Variants in NUP153 observed in about 807,000 individuals in gnomAD.
NUP153 encodes the protein nuclear pore complex protein Nup153.
NUP153 carries 27 observed loss-of-function variants against 134.6 expected under a neutral mutation model. That is an observed-to-expected ratio of 0.20 (90% CI 0.15 to 0.28). NUP153 has a LOEUF of 0.28. NUP153 is among the 10% of genes least tolerant of loss of function. The pLI is 1.00. For synonymous variants in NUP153, 640 were observed against 623.5 expected (o/e 1.03, Z -0.40); for missense variants, 1,821 against 1,731.3 (o/e 1.05, Z -0.92).
chr6:17,637,293 G>A lies in NUP153; in HGVS notation c.2324C>T (p.Ser775Phe). 6.2e-7 allele frequency: 1 copy of A among 1,614,206 alleles called. No homozygotes were observed. Among genetic ancestry groups the A allele is most frequent in the Non-Finnish European group, 8.5e-7 (1 of 1,180,032 alleles). ...ESAETMTASS[S>F]SCTVTTGTLG... ...GGTACCAGTGGTTACAGTGCAGCTGGAAGATGAAGCAGTCATAGTCTCAGC... is the reference window on the plus strand; with the variant it reads ...GGTACCAGTGGTTACAGTGCAGCTGAAAGATGAAGCAGTCATAGTCTCAGC... The change falls in exon 16 of 22, where the codon TCC becomes TTC. Residue 775 changes from serine to phenylalanine, a missense_variant. Ser to Phe is a radical substitution (Grantham distance 155). Coordinates refer to ENST00000262077, the MANE Select transcript of NUP153 (RefSeq NM_005124.4).
Position 17,668,987 on chromosome 6 carries a change from G to C in NUP153, c.1056C>G (p.Ala352=), listed in dbSNP as rs200635527. 3 of 1,549,008 alleles carry C rather than the reference G, an allele frequency of 1.9e-6. No individual in the cohort carries two copies. The East Asian group carries it at 7.0e-5, about 36-fold the overall frequency. ...RSGIDITDFQ[A]KREKVDSQYP... ...AAAGAAGTTTTACCTTTTCTCTTTT[G>C]GCCTGAAAATCTGTGATATCTATCC... The change falls in exon 8 of 22, where the codon GCC becomes GCG. Residue 352 remains alanine (A), a synonymous_variant. Transcript: ENST00000262077.
At chr6:17,678,278 C>A (rs565135239) in intron 2 of NUP153, among the ~76,000 whole-genome samples, 1 of 147,112 alleles carries the variant, frequency 6.8e-6, no homozygotes, top group African/African-American at 2.6e-5. Context: ...ATTGCTTGAA[C>A]CTGGGAGGCA....
chr6:17,691,812 T>TA (rs1433203406), intron 1 of NUP153, among the ~76,000 whole-genome samples: 1 of 149,902 alleles, frequency 6.7e-6, no homozygotes, highest in Admixed American at 6.8e-5. Flanking sequence ...GCTAAAGCAC[T>TA]ATAGCAAGAA....
chr6:17,616,962 GGATGGTCTC>G (rs1764365998), intron 20 of NUP153, among the ~76,000 whole-genome samples: 1 of 152,162 alleles, frequency 6.6e-6, no homozygotes, highest in South Asian at 2.1e-4. Context: ...ATGTTGGCCA[GGATGGTCTC>G]GATCTCCTGA....
intron 1 of NUP153, among the ~76,000 whole-genome samples, chr6:17,705,046 C>T (rs1770391754): frequency 6.6e-6 from 1 of 152,214 alleles, no homozygotes; most frequent in Non-Finnish European, 1.5e-5. Flanking sequence ...CGTGAGCCAA[C>T]GCGCCCGACC....
rs1252686243 is a variant in NUP153, at chr6:17,688,751, T to TTACTGC, written c.112-139_112-134dup. On this transcript the variant is annotated intron_variant, in intron 1 of 21. Coordinates refer to ENST00000262077, the MANE Select transcript of NUP153 (RefSeq NM_005124.4). The stretch of plus-strand genomic sequence containing the variant: ...GTTTGCCAAAATTCAGTTACTACAG[T>TTACTGC]TACTGCTAACATAATGGTTTTTACA... 1.0e-4 allele frequency: 66 copies of TTACTGC among 637,484 alleles called. 1 individual carries two copies. The highest frequency in any genetic ancestry group is 1.6e-4 in the Non-Finnish European group (60 of 366,556). 39.5% of individuals were successfully genotyped at this position (637,484 alleles called of 1,614,324 possible). A position where few individuals can be genotyped will look rare whatever the true frequency, so the allele number is the denominator to read the frequency against.
rs151323191 is a variant in NUP153 at position 17,673,152 on chromosome 6, A to C, written c.852+1753T>G. On this transcript the variant is annotated intron_variant, in intron 5 of 21. Coordinates refer to ENST00000262077, the MANE Select transcript of NUP153 (RefSeq NM_005124.4). The stretch of plus-strand genomic sequence containing the variant: ...GGGAGGCCAACGCGGGTGAATCACA[A>C]GGTCAAGAGTTCGAGACCAGCCTGG... Among the ~76,000 whole-genome samples the C allele has an allele frequency of 2.5e-3, 382 of 152,278 alleles. 5 individuals are homozygous for C. The highest frequency in any genetic ancestry group is 8.5e-3 in the African/African-American group (355 of 41,552).
intron 14 of NUP153, among the ~76,000 whole-genome samples, chr6:17,644,359 C>T (rs1452170047): frequency 1.3e-5 from 2 of 152,050 alleles, no homozygotes; most frequent in African/African-American, 4.8e-5. Context: ...TCACATCCAT[C>T]TCACCCCCAA....
intron 14 of NUP153, among the ~76,000 whole-genome samples, chr6:17,641,321 G>C (rs1765826459): frequency 6.6e-6 from 1 of 152,080 alleles, no homozygotes; most frequent in Non-Finnish European, 1.5e-5. Context: ...CAGATCACGA[G>C]GTCAAGAGAT....
intron 2 of NUP153, among the ~76,000 whole-genome samples, chr6:17,678,546 T>C (rs1768374831): frequency 6.6e-6 from 1 of 152,178 alleles, no homozygotes; most frequent in Non-Finnish European, 1.5e-5. Flanking sequence ...CGCTGAATGA[T>C]TACTTGCATT....
intron 20 of NUP153, among the ~76,000 whole-genome samples, chr6:17,622,584 A>C (rs1764701939): frequency 6.6e-6 from 1 of 152,180 alleles, no homozygotes; most frequent in African/African-American, 2.4e-5. Context: ...GTGTGACTCT[A>C]ATTTTTAGGG....
chr6:17,661,853 C>T, intron 10 of NUP153, 74 bp from the exon 11 acceptor site: 1 of 1,389,554 alleles, frequency 7.2e-7, no homozygotes, highest in Non-Finnish European at 9.9e-7. Flanking sequence ...GAACTGCTAA[C>T]AAGTAAAAAA....
At chr6:17,641,721 G>A (rs1213473341) in intron 14 of NUP153, among the ~76,000 whole-genome samples, 3 of 152,062 alleles carry the variant, frequency 2.0e-5, no homozygotes, top group African/African-American at 7.2e-5. Flanking sequence ...CGGGCGTGGT[G>A]GCAGGCGCCT....
chr6:17,632,062 T>C (rs1389038986), intron 17 of NUP153, among the ~76,000 whole-genome samples: 1 of 152,176 alleles, frequency 6.6e-6, no homozygotes, highest in Non-Finnish European at 1.5e-5. Context: ...TAAGAGTTCT[T>C]TTCCTGGGAC....
intron 14 of NUP153, among the ~76,000 whole-genome samples, chr6:17,644,051 TA>T (rs201651917): frequency 1.9e-4 from 29 of 148,934 alleles, no homozygotes; most frequent in Admixed American, 3.4e-4. Flanking sequence ...GTTAGCCAAT[TA>T]AAAAAAAAAG....
Position 17,647,868 on chromosome 6 carries a change from A to G in NUP153, c.1571T>C (p.Met524Thr), listed in dbSNP as rs1207164573. The change falls in exon 13 of 22, where the codon ATG becomes ACG. Residue 524 changes from methionine to threonine, a missense_variant. Coordinates refer to ENST00000262077, the MANE Select transcript of NUP153 (RefSeq NM_005124.4). ...TACGATTGGAGATGAAAATTTAAAC[A>G]TGGGACTGCCAGTGCTGCTCGGAGA... Reference protein sequence around the residue: ...MTSPSSTGSPMFKFSSPIVKS... With the variant: ...MTSPSSTGSPTFKFSSPIVKS... 3.7e-6 allele frequency: 6 copies of G among 1,613,506 alleles called. No homozygotes were observed. In the Admixed American group the frequency reaches 5.0e-5, roughly 13 times the overall value.
intron 11 of NUP153, among the ~76,000 whole-genome samples, chr6:17,661,052 C>G (rs1319684234): frequency 6.6e-6 from 1 of 152,064 alleles, no homozygotes; most frequent in Non-Finnish European, 1.5e-5. Context: ...CGGTGGCTCT[C>G]GCCTGTAATC....
intron 14 of NUP153, among the ~76,000 whole-genome samples, chr6:17,643,900 C>G (rs899930206): frequency 8.5e-5 from 13 of 152,080 alleles, no homozygotes; most frequent in African/African-American, 3.1e-4. Context: ...ATTTTAATGC[C>G]TTTCCTCATA....
rs1198532477 is a variant in NUP153, at chr6:17,638,041, G to A, written c.1847-271C>T. On this transcript the variant is annotated intron_variant, in intron 15 of 21. Transcript: ENST00000262077. The surrounding 1 kb of genome is among the most constrained non-coding windows in gnomAD (Gnocchi z 4.0). Reference sequence around the variant, plus strand: ...AATTTCTAGTTTGATGCTTTCAATGGTACTAATTTACTGATATGTATTATT... The same window carrying A: ...AATTTCTAGTTTGATGCTTTCAATGATACTAATTTACTGATATGTATTATT... Among the ~76,000 whole-genome samples the A allele has an allele frequency of 6.6e-6, 1 of 152,078 alleles. No homozygotes were observed. Among genetic ancestry groups the A allele is most frequent in the African/African-American group, 2.4e-5 (1 of 41,392 alleles).
Sources: allele counts gnomAD v4.1 joint callset (sites outside exome capture counted in the v4.1 genomes callset), GRCh38; gene constraint gnomAD v4.1.1; non-coding constraint Gnocchi (gnomAD v3.1); transcripts MANE v1.5; gene names NCBI Gene and HGNC (gene_info 2026-07-23, HGNC 2026-07-21).